Variants in SPDYE1 observed in about 807,000 individuals in gnomAD.
The protein encoded by SPDYE1 is speedy/RINGO cell cycle regulator family member E1.
Under a neutral mutation model 45.9 loss-of-function variants are expected in SPDYE1, and 29 were observed. The observed-to-expected ratio is 0.63, with a 90% CI of 0.47 to 0.86. The LOEUF (loss-of-function observed/expected upper bound fraction) is 0.86, where lower values mean the gene tolerates loss of function less well. Among genes scored for constraint, SPDYE1 ranks in the 40% least tolerant of loss-of-function variants. The pLI is 0.00. For missense variants in SPDYE1, 346 were observed against 481.4 expected (o/e 0.72, Z 2.63); for synonymous variants, 134 against 176.8 (o/e 0.76, Z 1.92).
At chr7:44,003,350 T>C (rs1254994104) in intron 4 of SPDYE1, among the ~76,000 whole-genome samples, 4 of 150,996 alleles carry the variant, frequency 2.6e-5, no homozygotes, top group African/African-American at 9.7e-5. Context: ...TGTCTCAAAA[T>C]AAATTAATAA....
chr7:44,001,092 T>A lies in SPDYE1; in HGVS notation c.187T>A (p.Cys63Ser). The change falls in exon 3 of 9, where the codon TGT becomes AGT. Residue 63 changes from cysteine to serine, a missense_variant. Around this residue, in one of 4 missense-constraint regions of SPDYE1, gnomAD observed 141 missense variants for 176.7 expected, o/e 0.80. Transcript: ENST00000693451. ...CCCTGGGGTAGATCCCAGCCCCCCA[T>A]GTAGGTCCCTTGGCTGGAAAAGGAA... ...SAPGVDPSPP[C>S]RSLGWKRKRE... is the part of the protein sequence containing the mutation. The A allele has an allele frequency of 6.3e-7, 1 of 1,597,578 alleles. No individual in the cohort carries two copies. The highest frequency in any genetic ancestry group is 8.5e-7 in the Non-Finnish European group (1 of 1,179,736).
In SPDYE1 at chr7:44,005,185, T is replaced by C. The variant is rs1362795545; in HGVS notation, c.710T>C (p.Phe237Ser). The change falls in exon 6 of 9, where the codon TTC (phenylalanine) becomes TCC (serine). Residue 237 changes from phenylalanine to serine, a missense_variant. Physicochemically the swap from Phe to Ser is radical, Grantham distance 155. Coordinates refer to ENST00000693451, the MANE Select transcript of SPDYE1 (RefSeq NM_001378423.2). ...ATAGCGTATTTCAGCCGAGCCGGCTTCCCCTCCTGGCAATACCAACGCCTT... is the reference window on the plus strand; with the variant it reads ...ATAGCGTATTTCAGCCGAGCCGGCTCCCCCTCCTGGCAATACCAACGCCTT... ...MVIAYFSRAG[F>S]PSWQYQRLHF... 6.2e-7 allele frequency: 1 copy of C among 1,612,010 alleles called. No individual in the cohort carries two copies. Among genetic ancestry groups the C allele is most frequent in the Admixed American group, 1.7e-5 (1 of 60,002 alleles).
At position 44,007,522 on chromosome 7, in the gene SPDYE1, G is replaced by T; in HGVS notation, c.1007G>T (p.Arg336Leu). ...TCTCAGATAGTCCTGTTCCAGAAACGTCGGTTCCACTTCTTCTGTTCCATG... is the reference window on the plus strand; with the variant it reads ...TCTCAGATAGTCCTGTTCCAGAAACTTCGGTTCCACTTCTTCTGTTCCATG... Reference protein sequence around the residue: ...NRSQIVLFQKRRFHFFCSMSC... With the variant: ...NRSQIVLFQKLRFHFFCSMSC... Residue 336 changes from arginine to leucine, a missense_variant, in exon 7 of 9, where the codon CGT becomes CTT. Coordinates refer to ENST00000693451, the MANE Select transcript of SPDYE1 (RefSeq NM_001378423.2). 1 of 1,613,826 alleles carries T rather than the reference G, an allele frequency of 6.2e-7. No homozygotes were observed. Among genetic ancestry groups the T allele is most frequent in the Non-Finnish European group, 8.5e-7 (1 of 1,180,042 alleles).
In SPDYE1 at chr7:44,007,531, ACTT is replaced by A. The variant is rs1310477437; in HGVS notation, c.1022_1024del (p.Phe341del). 4.1e-5 allele frequency: 66 copies of A among 1,613,500 alleles called. No homozygotes were observed. The highest frequency in any genetic ancestry group is 5.4e-5 in the Non-Finnish European group (64 of 1,180,036). ...GTCCTGTTCCAGAAACGTCGGTTCC[ACTT>A]CTTCTGTTCCATGAGCTGCAGGGCT... On this transcript the variant is annotated inframe_deletion, in exon 7 of 9. Transcript: ENST00000693451.
chr7:44,005,196 C>A lies in SPDYE1; in HGVS notation c.721C>A (p.Gln241Lys). ...CAGCCGAGCCGGCTTCCCCTCCTGG[C>A]AATACCAACGCCTTCATTTCTTCCT... ...YFSRAGFPSWQYQRLHFFLAL... is the reference protein window; with the variant it reads ...YFSRAGFPSWKYQRLHFFLAL... The change falls in exon 6 of 9, where the codon CAA becomes AAA. Residue 241 changes from glutamine (Q) to lysine (K), a missense_variant. Transcript: ENST00000693451. 1.2e-6 allele frequency: 2 copies of A among 1,612,036 alleles called. No individual in the cohort carries two copies. Among genetic ancestry groups the A allele is most frequent in the Non-Finnish European group, 1.7e-6 (2 of 1,179,868 alleles).
At chr7:44,004,333 C>G (rs1301923996) in intron 5 of SPDYE1, 1 of 295,840 alleles carries the variant, frequency 3.4e-6, no homozygotes, top group Non-Finnish European at 6.4e-6. Flanking sequence ...CTGTGCCCGA[C>G]CAGCTCCCAT....
chr7:44,005,559 T>A (rs994668156), intron 6 of SPDYE1, among the ~76,000 whole-genome samples: 2 of 151,450 alleles, frequency 1.3e-5, no homozygotes, highest in Non-Finnish European at 2.9e-5. Context: ...GCATCTGTAA[T>A]CCCAGCTACT....
At chr7:43,998,011 C>CA in intron 1 of SPDYE1, among the ~76,000 whole-genome samples, 52 bp downstream of exon 1, 1 of 152,246 alleles carries the variant, frequency 6.6e-6, no homozygotes, top group South Asian at 2.1e-4. Context: ...TGGGTTAAAT[C>CA]AGAGCTTTTC....
In SPDYE1 at chr7:44,007,539, T is replaced by G. The variant is rs1459273527; in HGVS notation, c.1024T>G (p.Cys342Gly). 2 of 1,613,620 alleles carry G rather than the reference T, an allele frequency of 1.2e-6. No individual in the cohort carries two copies. The highest frequency in any genetic ancestry group is 4.5e-5 in the East Asian group (2 of 44,872). The part of the protein sequence containing the change: ...LFQKRRFHFF[C>G]SMSCRAWVSP... ...CCAGAAACGTCGGTTCCACTTCTTC[T>G]GTTCCATGAGCTGCAGGGCTTGGGT... The change falls in exon 7 of 9, where the codon TGT becomes GGT. Residue 342 changes from cysteine to glycine, a missense_variant. Cys to Gly is a radical substitution (Grantham distance 159, BLOSUM62 -3). Around this residue, in one of 4 missense-constraint regions of SPDYE1, gnomAD observed 186 missense variants for 219.1 expected, o/e 0.85. Transcript: ENST00000693451.
At position 44,005,225 on chromosome 7, in the gene SPDYE1, T is replaced by C. The variant is rs373866378; in HGVS notation, c.750T>C (p.Ala250=). The C allele has an allele frequency of 1.9e-5, 31 of 1,611,880 alleles. No homozygotes were observed. Among genetic ancestry groups the C allele is most frequent in the Non-Finnish European group, 2.5e-5 (30 of 1,179,854 alleles). The change falls in exon 6 of 9, where the codon GCT becomes GCC. Residue 250 remains alanine, a splice_region_variant and synonymous_variant. Transcript: ENST00000693451. ...WQYQRLHFFL[A]LYLANDMEED... ...ACCAACGCCTTCATTTCTTCCTGGCTCTGTGAGTGGTTTGCTGCCTCCTAT... is the reference window on the plus strand; with the variant it reads ...ACCAACGCCTTCATTTCTTCCTGGCCCTGTGAGTGGTTTGCTGCCTCCTAT...
In SPDYE1 at chr7:44,000,929, G is replaced by T. The variant is rs1678371052; in HGVS notation, c.161-137G>T. 2.0e-5 allele frequency: 31 copies of T among 1,586,174 alleles called. 1 individual carries two copies. The South Asian group carries it at 3.4e-4, about 17-fold the overall frequency. On this transcript the variant is annotated intron_variant, in intron 2 of 8. Coordinates refer to ENST00000693451, the MANE Select transcript of SPDYE1 (RefSeq NM_001378423.2). ...GCGGCACATGGGGTTGAGCAGAGGA[G>T]AAAATCAGAAAGATGGCTTAGAGAA...
In SPDYE1 at chr7:44,007,464, C is replaced by G; in HGVS notation, c.949C>G (p.Arg317Gly). 1.3e-6 allele frequency: 2 copies of G among 1,573,660 alleles called. No homozygotes were observed. The highest frequency in any genetic ancestry group is 1.7e-6 in the Non-Finnish European group (2 of 1,154,518). ...CCGTAAGCGTCGGTTCCAGTTACGC[C>G]GTTGCATGAACCCGAGGGCCAGGAA... is the stretch of plus-strand genomic sequence containing the variant. Reference protein sequence around the residue: ...LVRKRRFQLRRCMNPRARKNR... With the variant: ...LVRKRRFQLRGCMNPRARKNR... Residue 317 changes from arginine (R) to glycine (G), a missense_variant, in exon 7 of 9, where the codon CGT becomes GGT. Coordinates refer to ENST00000693451, the MANE Select transcript of SPDYE1 (RefSeq NM_001378423.2).
chr7:44,007,256 T>A lies in SPDYE1; in HGVS notation c.753-12T>A. 1 of 1,612,382 alleles carries A rather than the reference T, an allele frequency of 6.2e-7. No homozygotes were observed. Among genetic ancestry groups the A allele is most frequent in the Non-Finnish European group, 8.5e-7 (1 of 1,179,924 alleles). ...TGGTGCCCCTGAGCAGCAACCTGAT[T>A]CCTGTCCTCAGCTACCTGGCCAATG... On this transcript the variant is annotated splice_polypyrimidine_tract_variant and intron_variant, in intron 6 of 8. Transcript: ENST00000693451.
At chr7:44,007,853 G>A in intron 8 of SPDYE1, 40 bp downstream of exon 8, 1 of 1,590,678 alleles carries the variant, frequency 6.3e-7, no homozygotes, top group Non-Finnish European at 8.5e-7. Flanking sequence ...GAATATTGGG[G>A]TCTATTTCGG....
chr7:44,010,071 A>G lies in SPDYE1; in HGVS notation c.*1450A>G, dbSNP rs898480406. On this transcript the variant is annotated 3_prime_UTR_variant, in exon 9 of 9. Coordinates refer to ENST00000693451, the MANE Select transcript of SPDYE1 (RefSeq NM_001378423.2). ...ATGAGCTGTGTGTTTTCAAGAGAAC[A>G]ATAGAGTGTGTCTCTTGGGGAAACG... 13 of 152,250 alleles carry G rather than the reference A, an allele frequency of 8.5e-5. No homozygotes were observed. The highest frequency in any genetic ancestry group is 3.3e-4 in the Admixed American group (5 of 15,280). 9.4% of individuals were successfully genotyped at this position (152,250 alleles called of 1,614,324 possible).
chr7:44,001,403 G>A, intron 3 of SPDYE1, 119 bp downstream of exon 3: 4 of 1,519,272 alleles, frequency 2.6e-6, no homozygotes, highest in East Asian at 2.6e-5. Context: ...TCTCCACGCA[G>A]GAGGACTCAG....
rs1245967748 is a variant in SPDYE1 at position 44,007,929 on chromosome 7, C to T, written c.*45+116C>T. 25 of 1,493,658 alleles carry T rather than the reference C, an allele frequency of 1.7e-5. No individual in the cohort carries two copies. In the East Asian group the frequency reaches 5.9e-4, roughly 35 times the overall value. 92.5% of individuals were successfully genotyped at this position (1,493,658 alleles called of 1,614,324 possible). On this transcript the variant is annotated intron_variant, in intron 8 of 8. Coordinates refer to ENST00000693451, the MANE Select transcript of SPDYE1 (RefSeq NM_001378423.2). Reference sequence around the variant, plus strand: ...GGGCAACGTGGCGAGATCCCCTCTCCACAAAAATACAAAAATTAGCCAGGC... The same window carrying T: ...GGGCAACGTGGCGAGATCCCCTCTCTACAAAAATACAAAAATTAGCCAGGC...
intron 8 of SPDYE1, among the ~76,000 whole-genome samples, chr7:44,008,337 G>A (rs1408750688): frequency 6.6e-6 from 1 of 152,178 alleles, no homozygotes; most frequent in African/African-American, 2.4e-5. Context: ...GATCTTAAGT[G>A]ACACAAAAGG....
chr7:44,000,971 T>C (rs2096062050), intron 2 of SPDYE1, 95 bp from the exon 3 acceptor site: 1 of 1,595,826 alleles, frequency 6.3e-7, no homozygotes, highest in Non-Finnish European at 8.5e-7. Context: ...AGTCTGCGAG[T>C]CTGGGGAGGA....
Sources: gnomAD v4.1 joint callset for allele counts (sites outside exome capture counted in the v4.1 genomes callset) on GRCh38, gnomAD v4.1.1 for gene constraint, gnomAD v4.1.1 regional missense constraint, MANE v1.5 for transcripts, NCBI Gene and HGNC (gene_info 2026-07-23, HGNC 2026-07-21) for gene names.